SDK1: variants seen among roughly 807,000 people sequenced by gnomAD.
SDK1 encodes protein sidekick-1.
A neutral mutation model predicts 245.5 loss-of-function variants in SDK1; 157 were observed. The observed-to-expected ratio is 0.64, with a 90% CI of 0.56 to 0.73. The LOEUF (loss-of-function observed/expected upper bound fraction) is 0.73. Among genes scored for constraint, SDK1 ranks in the 30% least tolerant of loss-of-function variants. SDK1 has a pLI of 0.00. For missense variants in SDK1, 3,583 were observed against 3,002.3 expected, an observed-to-expected ratio of 1.19 and a Z score of -4.52; for synonymous variants, 1,647 against 1,278.5, an observed-to-expected ratio of 1.29 and a Z score of -6.15.
At chr7:3,540,313 A>G (rs1779017762) in intron 1 of SDK1, among the ~76,000 whole-genome samples, 1 of 152,248 alleles carries the variant, frequency 6.6e-6, no homozygotes, top group Admixed American at 6.5e-5. Flanking sequence ...AGGCCGAGAC[A>G]GGAGAATCGC....
intron 1 of SDK1, among the ~76,000 whole-genome samples, chr7:3,340,471 T>TA (rs1352956487): frequency 5.3e-5 from 8 of 151,870 alleles, no homozygotes; most frequent in African/African-American, 1.9e-4. Context: ...CAAGTAAAAT[T>TA]AAAAAAATTG....
At chr7:3,887,783 G>A (rs1401001053) in intron 5 of SDK1, among the ~76,000 whole-genome samples, 10 of 152,088 alleles carry the variant, frequency 6.6e-5, no homozygotes, top group African/African-American at 1.2e-4. Context: ...ATCATCACGG[G>A]CAGTACTCAG....
intron 17 of SDK1, among the ~76,000 whole-genome samples, chr7:4,021,680 G>A (rs1159788258): frequency 1.3e-5 from 2 of 152,200 alleles, no homozygotes; most frequent in African/African-American, 2.4e-5. Context: ...CCTTGGGAAC[G>A]AGTATGCCCA....
chr7:3,493,615 G>C (rs1040581441), intron 1 of SDK1, among the ~76,000 whole-genome samples: 8 of 152,174 alleles, frequency 5.3e-5, no homozygotes, highest in Non-Finnish European at 7.3e-5. Context: ...CAGAATTATA[G>C]AAAAGAATGT....
chr7:4,088,361 C>G (rs1020917260), intron 22 of SDK1, among the ~76,000 whole-genome samples: 4 of 152,082 alleles, frequency 2.6e-5, no homozygotes, highest in Non-Finnish European at 4.4e-5. Flanking sequence ...ACTGGGAGGG[C>G]TAAAGCGTCT....
intron 1 of SDK1, among the ~76,000 whole-genome samples, chr7:3,419,322 C>T (rs530817153): frequency 6.6e-6 from 1 of 152,298 alleles, no homozygotes; most frequent in South Asian, 2.1e-4. Context: ...TATACTGCGT[C>T]TCTGTGGCCA....
intron 9 of SDK1, among the ~76,000 whole-genome samples, chr7:3,965,728 TG>T (rs1782035209): frequency 6.7e-6 from 1 of 148,380 alleles, no homozygotes. Flanking sequence ...CAGCCAGGGG[TG>T]CTGCAGAAAA....
chr7:3,556,256 C>G (rs1583162146), intron 1 of SDK1, among the ~76,000 whole-genome samples: 1 of 152,082 alleles, frequency 6.6e-6, no homozygotes, highest in Non-Finnish European at 1.5e-5. Flanking sequence ...GAGATCCTGT[C>G]ATTTGCAACA....
chr7:3,427,112 G>A (rs1355409378), intron 1 of SDK1, among the ~76,000 whole-genome samples: 3 of 152,196 alleles, frequency 2.0e-5, no homozygotes, highest in Non-Finnish European at 4.4e-5. Flanking sequence ...AACAGTGGGA[G>A]CAACTCCAGT....
intron 5 of SDK1, among the ~76,000 whole-genome samples, chr7:3,885,481 C>T (rs910250790): frequency 2.6e-5 from 4 of 152,134 alleles, no homozygotes; most frequent in African/African-American, 9.7e-5. Flanking sequence ...GCTTTCGGTA[C>T]ACGTGTCACT....
chr7:3,841,906 G>A (rs778825060), intron 5 of SDK1, among the ~76,000 whole-genome samples: 11 of 152,150 alleles, frequency 7.2e-5, no homozygotes, highest in Non-Finnish European at 1.3e-4. Context: ...ATGCAAGACC[G>A]ACCCATTGGG....
chr7:4,046,877 A>G (rs1460064584), intron 17 of SDK1, among the ~76,000 whole-genome samples: 1 of 151,086 alleles, frequency 6.6e-6, no homozygotes, highest in Non-Finnish European at 1.5e-5. Flanking sequence ...GCTGGAGTGC[A>G]GTGTAGCTGG....
intron 5 of SDK1, among the ~76,000 whole-genome samples, chr7:3,897,570 A>G (rs961602538): frequency 1.3e-5 from 2 of 152,346 alleles, no homozygotes; most frequent in East Asian, 3.9e-4. Context: ...CCTTATATGT[A>G]TAGACCATAT....
intron 7 of SDK1, among the ~76,000 whole-genome samples, chr7:3,952,384 G>A (rs1009559034): frequency 6.6e-6 from 1 of 152,150 alleles, no homozygotes; most frequent in East Asian, 1.9e-4. Flanking sequence ...TTCGAGACCA[G>A]CCTGGCCAAC....
intron 22 of SDK1, among the ~76,000 whole-genome samples, chr7:4,101,149 A>AT (rs376555352): frequency 0.21 from 29,377 of 137,648 alleles, 3,369 homozygotes; most frequent in African/African-American, 0.29. Flanking sequence ...GGACACTTGC[A>AT]TTTTTTTTTT....
chr7:4,158,595 T>C (rs755385371), intron 31 of SDK1, 44 bp downstream of exon 31: 2 of 1,434,914 alleles, frequency 1.4e-6, no homozygotes. Flanking sequence ...CCGCTGCCCC[T>C]GGAGCCCGAG....
At chr7:3,912,100 G>T (rs1779189745) in intron 5 of SDK1, among the ~76,000 whole-genome samples, 1 of 152,182 alleles carries the variant, frequency 6.6e-6, no homozygotes, top group African/African-American at 2.4e-5. Flanking sequence ...CCAAACTACA[G>T]AGGAGCTTGA....
chr7:4,266,068 T>C lies in SDK1; in HGVS notation c.*684T>C, dbSNP rs1352767622. ...TGCGGTCCTCAGGCTTTTCTGCCTGTCTTTCCCCCTTCCTTCTCACCTGAC... is the reference window on the plus strand; with the variant it reads ...TGCGGTCCTCAGGCTTTTCTGCCTGCCTTTCCCCCTTCCTTCTCACCTGAC... On this transcript the variant is annotated 3_prime_UTR_variant, in exon 45 of 45. Transcript: ENST00000404826. 4 of 985,340 alleles carry C rather than the reference T, an allele frequency of 4.1e-6. No individual in the cohort carries two copies. The highest frequency in any genetic ancestry group is 4.8e-6 in the Non-Finnish European group (4 of 829,972). The allele number at this position is 985,340 out of a possible 1,614,324, so 61.0% of individuals were successfully genotyped here.
chr7:3,670,950 T>A (rs1429547238), intron 4 of SDK1, among the ~76,000 whole-genome samples: 1 of 152,250 alleles, frequency 6.6e-6, no homozygotes, highest in Admixed American at 6.5e-5. Flanking sequence ...CGTCTATTAT[T>A]TGTTCTTACA....
Sources: gnomAD v4.1 joint callset for allele counts (sites outside exome capture counted in the v4.1 genomes callset) on GRCh38, gnomAD v4.1.1 for gene constraint, MANE v1.5 for transcripts, NCBI Gene and HGNC (gene_info 2026-07-23, HGNC 2026-07-21) for gene names.